Variants in SNTG2 observed in about 807,000 individuals in gnomAD.
SNTG2 encodes syntrophin gamma 2.
In SNTG2, 74 loss-of-function variants were observed where a neutral mutation model predicts 70.9. That is an observed-to-expected ratio of 1.04 (90% confidence interval 0.86 to 1.27). The LOEUF (loss-of-function observed/expected upper bound fraction) is 1.27. Ranked by LOEUF, SNTG2 falls within the 50% of genes most tolerant of loss-of-function variation. The probability of loss-of-function intolerance (pLI) is 0.00; values close to 1 mark genes in which losing one functional copy is unlikely to be tolerated. For missense variants in SNTG2, 717 were observed against 690.7 expected (o/e 1.04, Z -0.43); for synonymous variants, 278 against 273.8 (o/e 1.02, Z -0.15).
chr2:1,297,920 G>A (rs1680292558), intron 14 of SNTG2, among the ~76,000 whole-genome samples: 1 of 152,158 alleles, frequency 6.6e-6, no homozygotes. Flanking sequence ...ACCAGGGCTT[G>A]AGCAGGGCGC....
intron 16 of SNTG2, among the ~76,000 whole-genome samples, chr2:1,363,281 C>G (rs1479804271): frequency 6.6e-6 from 1 of 152,216 alleles, no homozygotes; most frequent in Non-Finnish European, 1.5e-5. Context: ...TGCTATTGAT[C>G]CTTGTAGCCA....
chr2:1,282,477 C>A (rs1035681026), intron 14 of SNTG2, among the ~76,000 whole-genome samples: 1 of 152,160 alleles, frequency 6.6e-6, no homozygotes, highest in Non-Finnish European at 1.5e-5. Context: ...AGAAATGCAC[C>A]CAACACATTC....
chr2:1,353,737 C>G lies in SNTG2; in HGVS notation c.1489-13606C>G, dbSNP rs907941975. On this transcript the variant is annotated intron_variant, in intron 16 of 16. Transcript: ENST00000308624. This position sits in a 1 kb window ranked among gnomAD's most constrained non-coding sequence, Gnocchi z 4.2. ...CTAAGAACCCAGGATGGCTGCTCAT[C>G]GGAGGGGCCAGTCATCTCACAGACA... The G allele has an allele frequency of 6.6e-6, 1 of 152,162 alleles. No individual in the cohort carries two copies. The highest frequency in any genetic ancestry group is 2.4e-5 in the African/African-American group (1 of 41,436). 9.4% of individuals were successfully genotyped at this position (152,162 alleles called of 1,614,324 possible).
intron 6 of SNTG2, among the ~76,000 whole-genome samples, chr2:1,164,149 C>T (rs1265280618): frequency 6.6e-6 from 1 of 152,140 alleles, no homozygotes; most frequent in African/African-American, 2.4e-5. Context: ...TGGGCTACGC[C>T]TGGCCTGGGA....
chr2:1,217,568 C>T (rs1227910091), intron 9 of SNTG2, among the ~76,000 whole-genome samples: 3 of 152,178 alleles, frequency 2.0e-5, no homozygotes, highest in South Asian at 4.1e-4. Flanking sequence ...CTGTGACACT[C>T]GGTAGGTCGT....
intron 1 of SNTG2, among the ~76,000 whole-genome samples, chr2:1,061,299 A>C (rs1483794730): frequency 6.6e-6 from 1 of 152,222 alleles, no homozygotes; most frequent in Non-Finnish European, 1.5e-5. Flanking sequence ...TTTTAAGGCA[A>C]TTAACAAAAA....
intron 9 of SNTG2, among the ~76,000 whole-genome samples, chr2:1,223,048 G>C (rs1553362987): frequency 3.2e-5 from 2 of 62,402 alleles, no homozygotes; most frequent in Admixed American, 1.3e-4. Context: ...GTAGAGGAAA[G>C]TGGTGCAGTG....
At chr2:1,358,157 A>G (rs1300544999) in intron 16 of SNTG2, among the ~76,000 whole-genome samples, 1 of 152,088 alleles carries the variant, frequency 6.6e-6, no homozygotes, top group Non-Finnish European at 1.5e-5. Context: ...ACCAATCCTC[A>G]TGCCCTCATC....
intron 1 of SNTG2, among the ~76,000 whole-genome samples, chr2:1,066,809 C>T (rs35192112): frequency 0.18 from 26,967 of 151,984 alleles, 2,476 homozygotes; most frequent in South Asian, 0.22. Flanking sequence ...GACCGTAGAA[C>T]GGTCGTCTTT....
chr2:1,207,660 G>T (rs116264500), intron 8 of SNTG2, among the ~76,000 whole-genome samples: 1,886 of 152,322 alleles, frequency 0.012, 38 homozygotes, highest in African/African-American at 0.043. Context: ...TAAGCATTGT[G>T]TAGAGAGTCG....
chr2:1,311,875 C>T (rs1681009480), intron 15 of SNTG2, among the ~76,000 whole-genome samples: 2 of 152,114 alleles, frequency 1.3e-5, no homozygotes, highest in African/African-American at 4.8e-5. Context: ...ATTTCTGGGT[C>T]AAAACTAGAC....
At chr2:1,219,634 T>G (rs369049460) in intron 9 of SNTG2, among the ~76,000 whole-genome samples, 1 of 150,130 alleles carries the variant, frequency 6.7e-6, no homozygotes, top group Non-Finnish European at 1.5e-5. Context: ...TCAAATTGAT[T>G]AAAAGTAATT....
chr2:1,174,741 C>T (rs986100004), intron 8 of SNTG2, among the ~76,000 whole-genome samples: 1 of 152,152 alleles, frequency 6.6e-6, no homozygotes, highest in Admixed American at 6.5e-5. Context: ...TAAAATGGTT[C>T]TCTCTCTGGG....
chr2:1,062,305 C>T (rs111510580), intron 1 of SNTG2, among the ~76,000 whole-genome samples: 104 of 152,236 alleles, frequency 6.8e-4, no homozygotes, highest in African/African-American at 2.2e-3. Flanking sequence ...TAGATGGAGA[C>T]ATAGAAATAA....
Position 1,267,274 on chromosome 2 carries a change from C to T in SNTG2, c.1078-91C>T, listed in dbSNP as rs536659437. On this transcript the variant is annotated intron_variant, in intron 13 of 16. Transcript: ENST00000308624. Reference sequence around the variant, plus strand: ...ACCCAGGAGACCGTTTCCCAGATCACGCAAACGCTGCCTTCTCCCCACACC... The same window carrying T: ...ACCCAGGAGACCGTTTCCCAGATCATGCAAACGCTGCCTTCTCCCCACACC... 7.3e-5 allele frequency: 90 copies of T among 1,238,164 alleles called. No homozygotes were observed. The South Asian group carries it at 8.1e-4, about 11-fold the overall frequency. 76.7% of individuals were successfully genotyped at this position (1,238,164 alleles called of 1,614,324 possible).
intron 4 of SNTG2, among the ~76,000 whole-genome samples, chr2:1,117,166 G>C (rs74647633): frequency 0.013 from 1,953 of 152,162 alleles, 35 homozygotes; most frequent in African/African-American, 0.042. Context: ...TATGGATGCT[G>C]TGATGTGCAG....
At position 1,293,157 on chromosome 2, in the gene SNTG2, C is replaced by CTT. The variant is rs71400092; in HGVS notation, c.1285-15320_1285-15319dup. Among the ~76,000 whole-genome samples, 328 of 130,954 alleles carry CTT rather than the reference C, an allele frequency of 2.5e-3. 1 individual carries two copies. Among genetic ancestry groups the CTT allele is most frequent in the African/African-American group, 7.3e-3 (263 of 35,794 alleles). The allele number at this position is 130,954 out of a possible 152,430, so 85.9% of individuals were successfully genotyped here. A position where few individuals can be genotyped will look rare whatever the true frequency, so the allele number is the denominator to read the frequency against. Reference sequence around the variant, plus strand: ...TAAAATTGTTTGTAGTACTCTGTTACTTTTTTTTTTTTTTTTTTACTTTTG... The same window carrying CTT: ...TAAAATTGTTTGTAGTACTCTGTTACTTTTTTTTTTTTTTTTTTTTACTTTTG... On this transcript the variant is annotated intron_variant, in intron 14 of 16. Coordinates refer to ENST00000308624, the MANE Select transcript of SNTG2 (RefSeq NM_018968.4).
intron 11 of SNTG2, among the ~76,000 whole-genome samples, chr2:1,241,575 C>T (rs1677055541): frequency 6.6e-6 from 1 of 152,108 alleles, no homozygotes; most frequent in Non-Finnish European, 1.5e-5. Context: ...CACCCAGTAA[C>T]TCATCATTTA....
intron 1 of SNTG2, among the ~76,000 whole-genome samples, chr2:1,080,166 G>T (rs996374677): frequency 2.7e-5 from 4 of 147,600 alleles, no homozygotes; most frequent in African/African-American, 8.1e-5. Flanking sequence ...TCTGCAGCAA[G>T]AATGTGCTCA....
Sources: gnomAD v4.1 joint callset for allele counts (sites outside exome capture counted in the v4.1 genomes callset) on GRCh38, gnomAD v4.1.1 for gene constraint, Gnocchi (gnomAD v3.1) non-coding constraint, MANE v1.5 for transcripts, NCBI Gene and HGNC (gene_info 2026-07-23, HGNC 2026-07-21) for gene names.